The following PTPRM variants were observed in gnomAD, a reference collection of about 807,000 sequenced individuals.
PTPRM encodes receptor-type tyrosine-protein phosphatase mu.
In PTPRM, 47 loss-of-function variants were observed where a neutral mutation model predicts 186.7. The ratio of observed to expected loss-of-function variants is 0.25; its 90% confidence interval spans 0.20 to 0.32. The LOEUF (loss-of-function observed/expected upper bound fraction) is 0.32. Ranked by LOEUF, PTPRM falls within the 10% of genes least tolerant of loss-of-function variation. The pLI, the probability that PTPRM is intolerant of heterozygous loss-of-function variation, is 1.00. For missense variants in PTPRM, 1,494 were observed against 1,865.0 expected, an observed-to-expected ratio of 0.80 and a Z score of 3.66; for synonymous variants, 668 against 674.9, an observed-to-expected ratio of 0.99 and a Z score of 0.16.
intron 23 of PTPRM, among the ~76,000 whole-genome samples, chr18:8,354,269 G>A (rs1291829244): frequency 6.6e-6 from 1 of 151,552 alleles, no homozygotes; most frequent in African/African-American, 2.4e-5. Context: ...CAGAGTTCTT[G>A]GGAGAAAGTG....
At chr18:7,901,207 T>C (rs1047381746) in intron 3 of PTPRM, among the ~76,000 whole-genome samples, 4 of 152,222 alleles carry the variant, frequency 2.6e-5, no homozygotes, top group African/African-American at 9.6e-5. Flanking sequence ...AAAAAGATTA[T>C]TTTTGCTTTT....
intron 11 of PTPRM, among the ~76,000 whole-genome samples, chr18:8,109,843 G>A (rs2091680378): frequency 6.6e-6 from 1 of 152,102 alleles, no homozygotes; most frequent in African/African-American, 2.4e-5. Flanking sequence ...GGAGGTGTGG[G>A]GGGCACATAG....
intron 14 of PTPRM, among the ~76,000 whole-genome samples, chr18:8,203,226 C>A (rs1052190535): frequency 1.3e-5 from 2 of 152,154 alleles, no homozygotes; most frequent in African/African-American, 2.4e-5. Context: ...CACGATGTAA[C>A]TGGTATTGTA....
chr18:7,919,622 C>T (rs776141908), intron 4 of PTPRM, among the ~76,000 whole-genome samples: 6 of 152,060 alleles, frequency 3.9e-5, no homozygotes, highest in Non-Finnish European at 8.8e-5. Flanking sequence ...GACCTGTTTT[C>T]TGGCCTAAGA....
intron 21 of PTPRM, among the ~76,000 whole-genome samples, chr18:8,316,200 C>T (rs899022895): frequency 5.9e-5 from 9 of 152,194 alleles, no homozygotes; most frequent in African/African-American, 2.2e-4. Flanking sequence ...CGTTCACACT[C>T]CAGTCCCAGC....
chr18:8,268,997 T>C (rs1378507804), intron 19 of PTPRM, among the ~76,000 whole-genome samples: 1 of 151,990 alleles, frequency 6.6e-6, no homozygotes, highest in African/African-American at 2.4e-5. Flanking sequence ...AAGCTTTTCT[T>C]CTAACAAGAC....
chr18:7,568,931 G>T lies in PTPRM; in HGVS notation c.73+1040G>T, dbSNP rs1190151421. On this transcript the variant is annotated intron_variant, in intron 1 of 32. Transcript: ENST00000580170. This position sits in a 1 kb window ranked among gnomAD's most constrained non-coding sequence, Gnocchi z 5.1. The stretch of plus-strand genomic sequence containing the variant: ...CCCATTTGCACACCTTCTTTCTAGT[G>T]TTTATTAGATTAGTTTCATTAAGGT... Among the ~76,000 whole-genome samples, 1 of 152,142 alleles carries T rather than the reference G, an allele frequency of 6.6e-6. No homozygotes were observed. Among genetic ancestry groups the T allele is most frequent in the African/African-American group, 2.4e-5 (1 of 41,434 alleles).
At chr18:7,833,294 A>G (rs575605187) in intron 2 of PTPRM, among the ~76,000 whole-genome samples, 1 of 152,142 alleles carries the variant, frequency 6.6e-6, no homozygotes, top group African/African-American at 2.4e-5. Context: ...AATTTCTTCA[A>G]CAGGGTTTTA....
intron 2 of PTPRM, among the ~76,000 whole-genome samples, chr18:7,882,457 A>T (rs1425230133): frequency 1.3e-5 from 2 of 152,202 alleles, no homozygotes; most frequent in African/African-American, 4.8e-5. Context: ...GTCAGGAGAT[A>T]TGCCTGCAGT....
At chr18:8,344,149 G>A (rs548716683) in intron 23 of PTPRM, among the ~76,000 whole-genome samples, 71 of 152,244 alleles carry the variant, frequency 4.7e-4, no homozygotes, top group Non-Finnish European at 9.0e-4. Flanking sequence ...AACACACAGC[G>A]TGCAGTTGCC....
At chr18:7,859,617 T>C (rs2047259200) in intron 2 of PTPRM, among the ~76,000 whole-genome samples, 1 of 152,224 alleles carries the variant, frequency 6.6e-6, no homozygotes, top group Non-Finnish European at 1.5e-5. Context: ...ATAGCAGATG[T>C]CACTCCTGTT....
chr18:7,888,196 G>A lies in PTPRM; in HGVS notation c.287G>A (p.Cys96Tyr). Reference protein sequence around the residue: ...LPQLKENDTHCIDFHYFVSSK... With the variant: ...LPQLKENDTHYIDFHYFVSSK... ...CAACTTAAAGAAAATGACACCCACTGCATCGATTTTCACTATTTTGTGTCC... is the reference window on the plus strand; with the variant it reads ...CAACTTAAAGAAAATGACACCCACTACATCGATTTTCACTATTTTGTGTCC... The change falls in exon 3 of 33, where the codon TGC becomes TAC. Residue 96 changes from cysteine to tyrosine, a missense_variant. Physicochemically the swap from Cys to Tyr is radical, Grantham distance 194. This residue lies in a region of PTPRM where 296 missense variants were observed against 345.5 expected (regional missense o/e 0.86). Coordinates refer to ENST00000580170, the MANE Select transcript of PTPRM (RefSeq NM_001105244.2). 1 of 1,614,144 alleles carries A rather than the reference G, an allele frequency of 6.2e-7. No homozygotes were observed. The highest frequency in any genetic ancestry group is 1.3e-5 in the African/African-American group (1 of 75,040).
In PTPRM at chr18:8,387,750, G is replaced by C. The variant is rs569297816; in HGVS notation, c.4208+515G>C. Among the ~76,000 whole-genome samples, 39 of 80,448 alleles carry C rather than the reference G, an allele frequency of 4.8e-4. No homozygotes were observed. The Admixed American group carries it at 6.2e-3, about 13-fold the overall frequency. 52.8% of individuals were successfully genotyped at this position (80,448 alleles called of 152,430 possible). A position where few individuals can be genotyped will look rare whatever the true frequency, so the allele number is the denominator to read the frequency against. On this transcript the variant is annotated intron_variant, in intron 31 of 32. Coordinates refer to ENST00000580170, the MANE Select transcript of PTPRM (RefSeq NM_001105244.2). The stretch of plus-strand genomic sequence containing the variant: ...AAGGACCTGGAGTGTGTGTGTGTGC[G>C]TGTGTGCGTGTGTGTGCGCGCGCGT...
At chr18:7,621,135 A>G (rs1186397282) in intron 1 of PTPRM, among the ~76,000 whole-genome samples, 1 of 152,232 alleles carries the variant, frequency 6.6e-6, no homozygotes, top group Non-Finnish European at 1.5e-5. Flanking sequence ...AATGCATTTA[A>G]TCCTCATAAC....
chr18:8,327,201 G>A (rs1364858881), intron 22 of PTPRM, among the ~76,000 whole-genome samples: 1 of 152,170 alleles, frequency 6.6e-6, no homozygotes, highest in Non-Finnish European at 1.5e-5. Context: ...CCTTATCACC[G>A]CCATCACTGT....
intron 2 of PTPRM, among the ~76,000 whole-genome samples, chr18:7,874,255 T>C (rs971270965): frequency 6.6e-6 from 1 of 152,214 alleles, no homozygotes; most frequent in African/African-American, 2.4e-5. Context: ...GTTTAATTTT[T>C]CCTTTGAAAT....
chr18:8,067,374 T>C (rs2089164816), intron 7 of PTPRM, among the ~76,000 whole-genome samples: 1 of 152,232 alleles, frequency 6.6e-6, no homozygotes, highest in Admixed American at 6.5e-5. Flanking sequence ...TCAATGTTAT[T>C]TCTAAATAAT....
In PTPRM at chr18:8,325,795, C is replaced by G. The variant is rs141100528; in HGVS notation, c.2956+6581C>G. Among the ~76,000 whole-genome samples the G allele has an allele frequency of 7.3e-4, 111 of 152,286 alleles. 2 individuals carry two copies. In the East Asian group the frequency reaches 0.02, roughly 28 times the overall value. On this transcript the variant is annotated intron_variant, in intron 22 of 32. Transcript: ENST00000580170. Reference sequence around the variant, plus strand: ...TGGCTGAACTAATTTACATTCTCACCAGCACTCTATAAGCGTTCCATCTTC... The same window carrying G: ...TGGCTGAACTAATTTACATTCTCACGAGCACTCTATAAGCGTTCCATCTTC...
At chr18:7,887,767 G>C (rs1545213) in intron 2 of PTPRM, among the ~76,000 whole-genome samples, 21,704 of 152,096 alleles carry the variant, frequency 0.14, 1,949 homozygotes, top group East Asian at 0.4. Context: ...TTTTAAATAT[G>C]GAATTTTAAT....
Sources: gnomAD v4.1 joint callset for allele counts (sites outside exome capture counted in the v4.1 genomes callset) on GRCh38, gnomAD v4.1.1 for gene constraint, gnomAD v4.1.1 regional missense constraint, Gnocchi (gnomAD v3.1) non-coding constraint, MANE v1.5 for transcripts, NCBI Gene and HGNC (gene_info 2026-07-23, HGNC 2026-07-21) for gene names.